PPP2R2C: variants seen among roughly 807,000 people sequenced by gnomAD.
PPP2R2C encodes protein phosphatase 2, regulatory subunit B, gamma.
Under a neutral mutation model 45.3 loss-of-function variants are expected in PPP2R2C, and 10 were observed. The observed-to-expected ratio is 0.22, with a 90% confidence interval of 0.14 to 0.37. The LOEUF (loss-of-function observed/expected upper bound fraction) is 0.37. Among genes scored for constraint, PPP2R2C ranks in the 10% least tolerant of loss-of-function variants. The pLI is 1.00. For synonymous variants in PPP2R2C, 257 were observed against 245.4 expected (o/e 1.05, Z -0.44); for missense variants, 308 against 619.7 (o/e 0.50, Z 5.34).
chr4:6,543,293 T>A (rs902268223), intron 1 of PPP2R2C, among the ~76,000 whole-genome samples: 1 of 152,188 alleles, frequency 6.6e-6, no homozygotes, highest in African/African-American at 2.4e-5. Flanking sequence ...CAATCAGGCA[T>A]GGACCCCAAG....
At chr4:6,381,417 A>T in intron 1 of PPP2R2C, 2 of 1,412,508 alleles carry the variant, frequency 1.4e-6, no homozygotes, top group Non-Finnish European at 1.9e-6. Flanking sequence ...AGCCACCTGG[A>T]TGTGGCCTCA....
chr4:6,360,927 G>A (rs931529065), intron 5 of PPP2R2C, among the ~76,000 whole-genome samples: 5 of 152,098 alleles, frequency 3.3e-5, no homozygotes, highest in Non-Finnish European at 7.3e-5. Flanking sequence ...TCTTATTCCT[G>A]CATCTTAACA....
upstream of PPP2R2C, among the ~76,000 whole-genome samples, chr4:6,563,757 C>A (rs1277086841): frequency 7.0e-6 from 1 of 143,796 alleles, no homozygotes; most frequent in African/African-American, 2.5e-5. This position sits in a 1 kb window ranked among gnomAD's most constrained non-coding sequence, Gnocchi z 5.8. Context: ...CCATGGGCGG[C>A]TCCGCAGGCT....
chr4:6,391,257 C>G, intron 1 of PPP2R2C, among the ~76,000 whole-genome samples: 1 of 152,154 alleles, frequency 6.6e-6, no homozygotes, highest in South Asian at 2.1e-4. Context: ...CCTGTTCCAC[C>G]TCATTGTGGC....
At chr4:6,535,390 A>G in intron 1 of PPP2R2C, 1 of 1,486,174 alleles carries the variant, frequency 6.7e-7, no homozygotes, top group Non-Finnish European at 9.0e-7. Flanking sequence ...ATAATCAGAA[A>G]AAAAAACTAA....
At chr4:6,499,481 A>T (rs1722978227) in intron 2 of PPP2R2C, among the ~76,000 whole-genome samples, 1 of 152,018 alleles carries the variant, frequency 6.6e-6, no homozygotes, top group Admixed American at 6.6e-5. Flanking sequence ...TTCCTTCAAG[A>T]CCAGACGCTT....
intron 1 of PPP2R2C, among the ~76,000 whole-genome samples, chr4:6,410,860 TA>T (rs1370999248): frequency 2.7e-5 from 4 of 147,302 alleles, no homozygotes; most frequent in African/African-American, 5.2e-5. Context: ...TTTATTTATT[TA>T]TTTATTTATT....
intron 2 of PPP2R2C, among the ~76,000 whole-genome samples, chr4:6,509,997 G>A (rs1723374649): frequency 6.6e-6 from 1 of 151,990 alleles, no homozygotes; most frequent in African/African-American, 2.4e-5. Context: ...TGCTTCTAAC[G>A]TCCTCTCATT....
At chr4:6,513,028 A>G (rs1304605999) in intron 2 of PPP2R2C, among the ~76,000 whole-genome samples, 5 of 152,164 alleles carry the variant, frequency 3.3e-5, no homozygotes, top group Admixed American at 3.3e-4. Flanking sequence ...TTATTTAACA[A>G]TACAATTAAT....
chr4:6,502,933 C>T (rs959697254), intron 2 of PPP2R2C, among the ~76,000 whole-genome samples: 6 of 152,174 alleles, frequency 3.9e-5, no homozygotes, highest in Non-Finnish European at 8.8e-5. Context: ...GCTATTGCCA[C>T]CTGCACCCCT....
chr4:6,394,744 C>T (rs774559859), intron 1 of PPP2R2C, among the ~76,000 whole-genome samples: 2 of 152,252 alleles, frequency 1.3e-5, no homozygotes, highest in Non-Finnish European at 2.9e-5. Flanking sequence ...CCTGGGGTCC[C>T]ACAGGCCCTG....
chr4:6,438,131 C>T lies in PPP2R2C; in HGVS notation c.70+34029G>A, dbSNP rs376221679. On this transcript the variant is annotated intron_variant, in intron 1 of 8. Coordinates refer to ENST00000382599, the MANE Select transcript of PPP2R2C (RefSeq NM_020416.4). ...TGGAATGATAGTCCTGAGTCACAGCCCTATTACAGCAGTATCTGGTCTGCA... is the reference window on the plus strand; with the variant it reads ...TGGAATGATAGTCCTGAGTCACAGCTCTATTACAGCAGTATCTGGTCTGCA... Among the ~76,000 whole-genome samples, 39 of 152,296 alleles carry T rather than the reference C, an allele frequency of 2.6e-4. 1 individual carries two copies. The highest frequency in any genetic ancestry group is 8.7e-4 in the African/African-American group (36 of 41,560).
intron 1 of PPP2R2C, among the ~76,000 whole-genome samples, chr4:6,416,831 C>T (rs11945944): frequency 0.41 from 62,433 of 152,104 alleles, 13,471 homozygotes; most frequent in Non-Finnish European, 0.48. Context: ...TGCTGGGCTC[C>T]CTGTGTGTGC....
chr4:6,494,994 A>G (rs1722829776), intron 2 of PPP2R2C, among the ~76,000 whole-genome samples: 2 of 152,228 alleles, frequency 1.3e-5, no homozygotes, highest in African/African-American at 4.8e-5. Context: ...GAAGCTGTCC[A>G]CGCAGCGAGG....
intron 2 of PPP2R2C, among the ~76,000 whole-genome samples, chr4:6,498,789 A>T (rs536860972): frequency 6.6e-6 from 1 of 152,172 alleles, no homozygotes; most frequent in East Asian, 1.9e-4. Flanking sequence ...ACAGTCATCA[A>T]TGGGGAAAAG....
At chr4:6,449,407 T>C (rs1034874351) in intron 1 of PPP2R2C, among the ~76,000 whole-genome samples, 2 of 152,220 alleles carry the variant, frequency 1.3e-5, no homozygotes, top group Admixed American at 6.5e-5. Context: ...CTCTCAATCT[T>C]GTTTACCCTA....
intron 1 of PPP2R2C, among the ~76,000 whole-genome samples, chr4:6,453,755 A>G (rs887229877): frequency 7.9e-5 from 12 of 152,074 alleles, no homozygotes; most frequent in Non-Finnish European, 2.9e-5. Flanking sequence ...AGCCCAGCTC[A>G]CCTGTTTCTG....
chr4:6,351,410 C>T (rs1712539879), intron 5 of PPP2R2C: 1 of 981,500 alleles, frequency 1.0e-6, no homozygotes, highest in South Asian at 4.7e-5. Flanking sequence ...CCACGGCAAC[C>T]CAGGGCCGGC....
intron 1 of PPP2R2C, among the ~76,000 whole-genome samples, chr4:6,467,556 G>T (rs1379907119): frequency 1.3e-5 from 2 of 152,124 alleles, no homozygotes; most frequent in African/African-American, 4.8e-5. Context: ...ACCTTGACTT[G>T]AGTGAAATGA....
Sources: gnomAD v4.1 joint callset for allele counts (sites outside exome capture counted in the v4.1 genomes callset) on GRCh38, gnomAD v4.1.1 for gene constraint, Gnocchi (gnomAD v3.1) non-coding constraint, MANE v1.5 for transcripts, NCBI Gene and HGNC (gene_info 2026-07-23, HGNC 2026-07-21) for gene names.